The following HTR2A variants were observed in gnomAD, a reference collection of about 807,000 sequenced individuals.
The protein encoded by HTR2A is 5-HT2 receptor.
Under a neutral mutation model 31.0 loss-of-function variants are expected in HTR2A, and 14 were observed. That is an observed-to-expected ratio of 0.45 (90% CI 0.30 to 0.71). The LOEUF (loss-of-function observed/expected upper bound fraction) is 0.71, where lower values mean the gene tolerates loss of function less well. Ranked by LOEUF, HTR2A falls within the 30% of genes least tolerant of loss-of-function variation. The pLI is 0.09. For synonymous variants in HTR2A, 209 were observed against 225.2 expected (o/e 0.93, Z 0.64); for missense variants, 442 against 573.3 (o/e 0.77, Z 2.34).
At chr13:46,863,630 G>GAAAAAAAAAAAAAAAAAAGAA (rs1950796936) in intron 3 of HTR2A, among the ~76,000 whole-genome samples, 11 of 59,254 alleles carry the variant, frequency 1.9e-4, no homozygotes, top group Non-Finnish European at 2.3e-4. Context: ...CCCTCAAAAT[G>GAAAAAAAAAAAAAAAAAAGAA]AAAAAAAAAA....
intron 3 of HTR2A, among the ~76,000 whole-genome samples, chr13:46,872,280 C>G (rs1950868035): frequency 6.6e-6 from 1 of 152,134 alleles, no homozygotes; most frequent in Admixed American, 6.5e-5. Flanking sequence ...TAAGACATAG[C>G]CCCTGTCCTT....
At chr13:46,870,185 C>G (rs1456343408) in intron 3 of HTR2A, among the ~76,000 whole-genome samples, 1 of 152,046 alleles carries the variant, frequency 6.6e-6, no homozygotes, top group Non-Finnish European at 1.5e-5. Flanking sequence ...TCTAAGTAAA[C>G]ATACCTGAGA....
chr13:46,888,343 C>T (rs2138250397), intron 3 of HTR2A, among the ~76,000 whole-genome samples: 2 of 151,944 alleles, frequency 1.3e-5, no homozygotes, highest in Non-Finnish European at 2.9e-5. Context: ...AGAGACAAAA[C>T]ATTCTGAAGC....
intron 3 of HTR2A, among the ~76,000 whole-genome samples, chr13:46,881,898 T>G (rs1950967218): frequency 6.6e-6 from 1 of 152,120 alleles, no homozygotes; most frequent in African/African-American, 2.4e-5. Context: ...TTTCAAGCAT[T>G]TTTTTTCCAG....
intron 3 of HTR2A, among the ~76,000 whole-genome samples, chr13:46,890,218 C>T (rs1951041764): frequency 6.6e-6 from 1 of 152,220 alleles, no homozygotes; most frequent in South Asian, 2.1e-4. Flanking sequence ...TGGCACATGC[C>T]TGTAATCCCA....
At chr13:46,850,775 T>C (rs1593429422) in intron 3 of HTR2A, among the ~76,000 whole-genome samples, 1 of 152,212 alleles carries the variant, frequency 6.6e-6, no homozygotes, top group Non-Finnish European at 1.5e-5. Flanking sequence ...AGACTGGCTA[T>C]AGAAACCATC....
chr13:46,850,017 A>C (rs981820561), intron 3 of HTR2A, among the ~76,000 whole-genome samples: 1 of 152,238 alleles, frequency 6.6e-6, no homozygotes, highest in Non-Finnish European at 1.5e-5. Flanking sequence ...TACCTAGTAG[A>C]CTTCCTTATT....
intron 3 of HTR2A, among the ~76,000 whole-genome samples, chr13:46,855,928 C>T (rs1950733080): frequency 6.6e-6 from 1 of 152,128 alleles, no homozygotes; most frequent in African/African-American, 2.4e-5. Context: ...GGTCTTTCTC[C>T]TCTGGCTACT....
At chr13:46,890,115 A>C (rs1403282340) in intron 3 of HTR2A, among the ~76,000 whole-genome samples, 1 of 152,164 alleles carries the variant, frequency 6.6e-6, no homozygotes, top group African/African-American at 2.4e-5. Flanking sequence ...AGGCCAAGGT[A>C]GGGGGATCAC....
At chr13:46,890,890 G>A (rs1951047415) in intron 3 of HTR2A, among the ~76,000 whole-genome samples, 1 of 152,064 alleles carries the variant, frequency 6.6e-6, no homozygotes, top group African/African-American at 2.4e-5. Context: ...CTCACCCTAG[G>A]CAATTAAATC....
At position 46,884,840 on chromosome 13, in the gene HTR2A, A is replaced by ATC. The variant is rs560791424; in HGVS notation, c.613+7548_613+7549dup. Among the ~76,000 whole-genome samples, 725 of 152,054 alleles carry ATC rather than the reference A, an allele frequency of 4.8e-3. 2 individuals are homozygous for ATC. The highest frequency in any genetic ancestry group is 0.02 in the Middle Eastern group (6 of 294). On this transcript the variant is annotated intron_variant, in intron 3 of 3. Coordinates refer to ENST00000542664, the MANE Select transcript of HTR2A (RefSeq NM_000621.5). ...TGTGTATGTATACATATATATATAT[A>ATC]TCTCCACATATTATCACTATATTAT...
intron 3 of HTR2A, among the ~76,000 whole-genome samples, chr13:46,873,035 G>A (rs1413307860): frequency 5.3e-5 from 8 of 152,298 alleles, no homozygotes; most frequent in Non-Finnish European, 2.9e-5. Context: ...ACCGCACCCG[G>A]CCACTGCCAT....
At chr13:46,880,832 C>G (rs1478935536) in intron 3 of HTR2A, among the ~76,000 whole-genome samples, 4 of 149,452 alleles carry the variant, frequency 2.7e-5, no homozygotes, top group African/African-American at 4.9e-5. Flanking sequence ...GAGGGAGACT[C>G]TGTCTCAAAT....
intron 1 of HTR2A, 111 bp downstream of exon 1, chr13:46,896,563 C>A (rs1416775218): frequency 1.2e-6 from 1 of 858,348 alleles, no homozygotes; most frequent in Non-Finnish European, 1.7e-6. Flanking sequence ...GATTAGCAGA[C>A]AACTTTCCTC....
In HTR2A at chr13:46,896,871, G is replaced by C; in HGVS notation, c.-526C>G. The C allele has an allele frequency of 6.5e-7, 1 of 1,529,074 alleles. No individual in the cohort carries two copies. The highest frequency in any genetic ancestry group is 8.8e-7 in the Non-Finnish European group (1 of 1,142,138). 94.7% of individuals were successfully genotyped at this position (1,529,074 alleles called of 1,614,324 possible). A position where few individuals can be genotyped will look rare whatever the true frequency, so the allele number is the denominator to read the frequency against. On this transcript the variant is annotated 5_prime_UTR_variant, in exon 1 of 4. Coordinates refer to ENST00000542664, the MANE Select transcript of HTR2A (RefSeq NM_000621.5). ...CCAGCTCCCGCACTGCTAGGATCCT[G>C]TTGGCTTCCTCTGGCACGGCTCGGC...
intron 3 of HTR2A, 145 bp downstream of exon 3, chr13:46,892,245 A>G: frequency 2.6e-6 from 2 of 780,358 alleles, no homozygotes; most frequent in Non-Finnish European, 4.3e-6. Flanking sequence ...AGCGAATCTG[A>G]TAATTATGAT....
chr13:46,853,140 C>T (rs182943420), intron 3 of HTR2A, among the ~76,000 whole-genome samples: 106 of 152,094 alleles, frequency 7.0e-4, no homozygotes, highest in African/African-American at 2.5e-3. Flanking sequence ...ACTTTATATC[C>T]CCTTCAGGGG....
intron 3 of HTR2A, among the ~76,000 whole-genome samples, chr13:46,862,385 G>T (rs75617172): frequency 1.6e-3 from 251 of 152,336 alleles, no homozygotes; most frequent in Admixed American, 4.8e-3. Context: ...GGTAAGAACT[G>T]TGTAACATAT....
chr13:46,857,896 A>G (rs994989081), intron 3 of HTR2A, among the ~76,000 whole-genome samples: 1 of 152,224 alleles, frequency 6.6e-6, no homozygotes, highest in African/African-American at 2.4e-5. Context: ...AGAAGCTACT[A>G]AATGACTTTA....
Sources: allele counts gnomAD v4.1 joint callset (sites outside exome capture counted in the v4.1 genomes callset), GRCh38; gene constraint gnomAD v4.1.1; transcripts MANE v1.5; gene names NCBI Gene and HGNC (gene_info 2026-07-23, HGNC 2026-07-21).